Variants in SPATA17 observed in about 807,000 individuals in gnomAD.
The protein encoded by SPATA17 is spermatogenesis associated 17.
SPATA17 carries 53 observed loss-of-function variants against 62.2 expected under a neutral mutation model. That is an observed-to-expected ratio of 0.85 (90% CI 0.68 to 1.07). SPATA17 has a LOEUF of 1.07. Ranked by LOEUF, SPATA17 falls within the 50% of genes least tolerant of loss-of-function variation. The probability of loss-of-function intolerance (pLI) is 0.00; values close to 1 mark genes in which losing one functional copy is unlikely to be tolerated. For missense variants in SPATA17, 466 were observed against 425.5 expected (o/e 1.10, Z -0.84); for synonymous variants, 146 against 146.8 (o/e 0.99, Z 0.04).
intron 6 of SPATA17, among the ~76,000 whole-genome samples, chr1:217,773,677 A>G (rs1348325344): frequency 6.6e-6 from 1 of 152,146 alleles, no homozygotes; most frequent in Non-Finnish European, 1.5e-5. Flanking sequence ...AGCAAGGATA[A>G]TACTACAGAA....
chr1:217,737,622 A>G (rs1382652980), intron 5 of SPATA17, among the ~76,000 whole-genome samples: 1 of 152,170 alleles, frequency 6.6e-6, no homozygotes, highest in Admixed American at 6.5e-5. Flanking sequence ...GGGGCAGGAT[A>G]ACAAAACCTA....
chr1:217,812,488 C>T (rs969242860), intron 9 of SPATA17, among the ~76,000 whole-genome samples: 8 of 152,096 alleles, frequency 5.3e-5, no homozygotes, highest in Admixed American at 3.9e-4. Flanking sequence ...AATGTGCATA[C>T]CATATAATTT....
At chr1:217,631,703 T>C (rs1367135058) in intron 1 of SPATA17, among the ~76,000 whole-genome samples, 2 of 152,156 alleles carry the variant, frequency 1.3e-5, no homozygotes, top group African/African-American at 4.8e-5. Flanking sequence ...TGTAAAGTGC[T>C]TTTTTTCTTC....
At chr1:217,762,799 C>T (rs1053475147) in intron 6 of SPATA17, among the ~76,000 whole-genome samples, 1 of 152,122 alleles carries the variant, frequency 6.6e-6, no homozygotes, top group Non-Finnish European at 1.5e-5. Flanking sequence ...TGGTGAAACC[C>T]CATGTCTACT....
chr1:217,745,652 A>T (rs1672730778), intron 6 of SPATA17, among the ~76,000 whole-genome samples: 1 of 152,096 alleles, frequency 6.6e-6, no homozygotes. Context: ...TCAGTTAATC[A>T]CTTCCAATAA....
chr1:217,817,190 A>T (rs2102994942), intron 9 of SPATA17, among the ~76,000 whole-genome samples: 1 of 152,162 alleles, frequency 6.6e-6, no homozygotes, highest in African/African-American at 2.4e-5. Context: ...TTTCTTGTGA[A>T]CAAATCTTCC....
chr1:217,708,561 G>A (rs1054915969), intron 5 of SPATA17, among the ~76,000 whole-genome samples: 1 of 151,854 alleles, frequency 6.6e-6, no homozygotes, highest in Non-Finnish European at 1.5e-5. Context: ...TCAATAATAA[G>A]AAGCCTACCA....
At chr1:217,812,707 A>T (rs1674620999) in intron 9 of SPATA17, among the ~76,000 whole-genome samples, 1 of 152,226 alleles carries the variant, frequency 6.6e-6, no homozygotes, top group Non-Finnish European at 1.5e-5. Flanking sequence ...ATTTGGGTAG[A>T]TCTAAAAGAG....
intron 3 of SPATA17, among the ~76,000 whole-genome samples, chr1:217,659,251 G>C (rs1487246299): frequency 6.6e-6 from 1 of 151,458 alleles, no homozygotes; most frequent in Non-Finnish European, 1.5e-5. Flanking sequence ...ATTCAGGTGA[G>C]AAGTTAACAT....
intron 6 of SPATA17, among the ~76,000 whole-genome samples, chr1:217,754,771 C>T (rs190477012): frequency 1.3e-3 from 198 of 152,198 alleles, no homozygotes; most frequent in African/African-American, 4.2e-3. Context: ...TCTAATCCAT[C>T]GTCTTTTTCC....
intron 5 of SPATA17, among the ~76,000 whole-genome samples, chr1:217,707,147 G>A (rs756702000): frequency 3.3e-5 from 5 of 152,120 alleles, no homozygotes; most frequent in East Asian, 3.9e-4. Context: ...TTACAGATGT[G>A]AGCCACCATG....
chr1:217,775,841 A>G (rs1403420932), intron 7 of SPATA17, among the ~76,000 whole-genome samples: 4 of 152,110 alleles, frequency 2.6e-5, no homozygotes, highest in Admixed American at 2.0e-4. Context: ...AATATATACC[A>G]AAGAAGTGAA....
intron 9 of SPATA17, among the ~76,000 whole-genome samples, chr1:217,853,056 A>G (rs1279598681): frequency 6.6e-6 from 1 of 152,168 alleles, no homozygotes; most frequent in Non-Finnish European, 1.5e-5. Flanking sequence ...CTCACTGCCT[A>G]GAATACTGCT....
rs1168661697 is a variant in SPATA17 at position 217,867,246 on chromosome 1, T to C, written c.*227T>C. On this transcript the variant is annotated 3_prime_UTR_variant, in exon 11 of 11. Coordinates refer to ENST00000366933, the MANE Select transcript of SPATA17 (RefSeq NM_138796.4). Reference sequence around the variant, plus strand: ...CTTGAGTCTGTTACCTCTGAGAATGTCTGTCACAATCACAGCCCCTGGTGA... The same window carrying C: ...CTTGAGTCTGTTACCTCTGAGAATGCCTGTCACAATCACAGCCCCTGGTGA... 1 of 152,204 alleles carries C rather than the reference T, an allele frequency of 6.6e-6. No individual in the cohort carries two copies. Among genetic ancestry groups the C allele is most frequent in the Non-Finnish European group, 1.5e-5 (1 of 68,050 alleles). 9.4% of individuals were successfully genotyped at this position (152,204 alleles called of 1,614,324 possible).
At chr1:217,685,275 C>G (rs1337672709) in intron 5 of SPATA17, among the ~76,000 whole-genome samples, 1 of 152,162 alleles carries the variant, frequency 6.6e-6, no homozygotes, top group African/African-American at 2.4e-5. Flanking sequence ...ACTTGCTTCA[C>G]TCTTGTCTGA....
intron 3 of SPATA17, among the ~76,000 whole-genome samples, chr1:217,667,073 A>T (rs1571717558): frequency 8.9e-6 from 1 of 112,446 alleles, no homozygotes; most frequent in Non-Finnish European, 1.7e-5. Context: ...TTTGTGACGG[A>T]GTCTCACTCT....
At chr1:217,739,767 C>G (rs1030037608) in intron 5 of SPATA17, among the ~76,000 whole-genome samples, 1 of 152,046 alleles carries the variant, frequency 6.6e-6, no homozygotes, top group African/African-American at 2.4e-5. Flanking sequence ...CATCATTTAA[C>G]AAAGAATGTT....
At chr1:217,865,049 T>A (rs970249872) in intron 10 of SPATA17, among the ~76,000 whole-genome samples, 1 of 152,164 alleles carries the variant, frequency 6.6e-6, no homozygotes, top group Non-Finnish European at 1.5e-5. Flanking sequence ...TGATAGGAAA[T>A]GAATGTCTAG....
chr1:217,683,212 T>C, intron 4 of SPATA17, 46 bp from the exon 5 acceptor site: 1 of 1,348,354 alleles, frequency 7.4e-7, no homozygotes, highest in Non-Finnish European at 1.0e-6. Flanking sequence ...ACATTTTTAA[T>C]AAAAGTGTTT....
Sources: allele counts gnomAD v4.1 joint callset (sites outside exome capture counted in the v4.1 genomes callset), GRCh38; gene constraint gnomAD v4.1.1; transcripts MANE v1.5; gene names NCBI Gene and HGNC (gene_info 2026-07-23, HGNC 2026-07-21).